The following MAP2 variants were observed in gnomAD, a reference collection of about 807,000 sequenced individuals.
MAP2 encodes the protein microtubule-associated protein 2.
MAP2 carries 14 observed loss-of-function variants against 137.6 expected under a neutral mutation model. That is an observed-to-expected ratio of 0.10 (90% confidence interval 0.07 to 0.16). The LOEUF (loss-of-function observed/expected upper bound fraction) is 0.16, where lower values mean the gene tolerates loss of function less well. Ranked by LOEUF, MAP2 falls within the 10% of genes least tolerant of loss-of-function variation. MAP2 has a pLI of 1.00. For missense variants in MAP2, 2,088 were observed against 2,191.5 expected (o/e 0.95, Z 0.94); for synonymous variants, 786 against 782.3 (o/e 1.00, Z -0.08).
At chr2:209,540,852 C>T (rs1214429139) in intron 2 of MAP2, among the ~76,000 whole-genome samples, 1 of 150,300 alleles carries the variant, frequency 6.7e-6, no homozygotes, top group African/African-American at 2.5e-5. Flanking sequence ...TACAGACGTA[C>T]CCTGGAGTTA....
chr2:209,695,991 C>A lies in MAP2; in HGVS notation c.3821C>A (p.Pro1274Gln), dbSNP rs1236024310. 1.1e-5 allele frequency: 17 copies of A among 1,614,042 alleles called. No homozygotes were observed. The Admixed American group carries it at 2.5e-4, about 24-fold the overall frequency. ...AGGGAGGAATTTGTGGAGACCTGCC[C>A]AAGTGAACACAAAGGAGTGATTGAG... The part of the protein sequence containing the change: ...GAREEFVETC[P>Q]SEHKGVIESV... The change falls in exon 8 of 16, where the codon CCA becomes CAA. Residue 1274 changes from proline (P) to glutamine (Q), a missense_variant. Physicochemically the swap from Pro to Gln is moderately conservative, Grantham distance 76 (BLOSUM62 -1). Coordinates refer to ENST00000682079, the MANE Select transcript of MAP2 (RefSeq NM_001375505.1).
chr2:209,587,085 T>G (rs1223388365), intron 3 of MAP2, among the ~76,000 whole-genome samples: 1 of 152,184 alleles, frequency 6.6e-6, no homozygotes, highest in Non-Finnish European at 1.5e-5. Flanking sequence ...GGCTTGTGTT[T>G]GGGGACGTGG....
intron 1 of MAP2, among the ~76,000 whole-genome samples, chr2:209,454,760 T>C (rs1190756170): frequency 6.6e-6 from 1 of 152,210 alleles, no homozygotes. Context: ...CAAATATTTG[T>C]GTACTAGACT....
In MAP2 at chr2:209,685,681, G is replaced by A. The variant is rs186998304; in HGVS notation, c.454+4854G>A. Among the ~76,000 whole-genome samples, 803 of 152,254 alleles carry A rather than the reference G, an allele frequency of 5.3e-3. 14 individuals carry two copies. Among genetic ancestry groups the A allele is most frequent in the African/African-American group, 0.018 (750 of 41,550 alleles). On this transcript the variant is annotated intron_variant, in intron 7 of 15. Transcript: ENST00000682079. ...TTCCACTAGATCTTTCAAAATTTGT[G>A]TTGTTCTTTTTGTTGTTTCCTGATT...
In MAP2 at chr2:209,667,717, C is replaced by T. The variant is rs577207965; in HGVS notation, c.263-10855C>T. Among the ~76,000 whole-genome samples the T allele has an allele frequency of 1.1e-4, 16 of 151,976 alleles. No individual in the cohort carries two copies. The South Asian group carries it at 3.1e-3, about 30-fold the overall frequency. ...TCTGATTTTCCATATCCTCAACAAG[C>T]CCCAAATGTCTATTCCATAAGATTG... On this transcript the variant is annotated intron_variant, in intron 5 of 15. Transcript: ENST00000682079.
intron 1 of MAP2, among the ~76,000 whole-genome samples, chr2:209,492,584 A>G (rs983386765): frequency 6.6e-6 from 1 of 152,226 alleles, no homozygotes; most frequent in Non-Finnish European, 1.5e-5. Flanking sequence ...AAGCAACTTC[A>G]GCAAAGTCTC....
At chr2:209,622,107 T>C (rs983622323) in intron 3 of MAP2, among the ~76,000 whole-genome samples, 2 of 152,188 alleles carry the variant, frequency 1.3e-5, no homozygotes, top group Admixed American at 6.5e-5. Context: ...CATATCTGGC[T>C]CTAAAAGGTT....
intron 13 of MAP2, among the ~76,000 whole-genome samples, chr2:209,720,267 C>T (rs191837249): frequency 2.6e-5 from 4 of 152,036 alleles, no homozygotes; most frequent in Non-Finnish European, 4.4e-5. Context: ...TTCACTTCTA[C>T]TATGAATTAT....
chr2:209,539,879 C>T (rs537729317), intron 2 of MAP2, among the ~76,000 whole-genome samples: 1 of 142,946 alleles, frequency 7.0e-6, no homozygotes, highest in East Asian at 2.1e-4. Flanking sequence ...AGGAGGATTG[C>T]TTGAGGCTAG....
intron 2 of MAP2, among the ~76,000 whole-genome samples, chr2:209,547,293 AAAG>A (rs1312188055): frequency 6.6e-6 from 1 of 151,608 alleles, no homozygotes; most frequent in Non-Finnish European, 1.5e-5. Context: ...CCCCCCACAA[AAAG>A]AAGACCTACA....
chr2:209,493,162 A>G (rs1279679886), intron 1 of MAP2, among the ~76,000 whole-genome samples: 14 of 152,230 alleles, frequency 9.2e-5, no homozygotes, highest in Middle Eastern at 3.2e-3. Context: ...CAAATGTGAC[A>G]AAAACAAGCA....
At chr2:209,718,809 G>A (rs749883809) in intron 13 of MAP2, among the ~76,000 whole-genome samples, 8 of 152,108 alleles carry the variant, frequency 5.3e-5, no homozygotes, top group Non-Finnish European at 7.4e-5. Flanking sequence ...GTTCAATGTA[G>A]GCAGGGATGA....
intron 3 of MAP2, among the ~76,000 whole-genome samples, chr2:209,594,806 T>G (rs2080802860): frequency 6.6e-6 from 1 of 152,184 alleles, no homozygotes; most frequent in Non-Finnish European, 1.5e-5. Context: ...GGCCTTTATT[T>G]TCTGTAAAAT....
intron 3 of MAP2, among the ~76,000 whole-genome samples, chr2:209,617,075 G>T (rs2153508092): frequency 6.6e-6 from 1 of 152,118 alleles, no homozygotes; most frequent in African/African-American, 2.4e-5. Flanking sequence ...GGGATACAGT[G>T]TGGGGAGTCA....
intron 5 of MAP2, chr2:209,661,382 C>A: frequency 3.3e-6 from 1 of 306,780 alleles, no homozygotes; most frequent in Non-Finnish European, 4.8e-6. Flanking sequence ...GCTCGCCTAA[C>A]AATGCGAGAG....
At chr2:209,703,151 T>A (rs1296296336) in intron 11 of MAP2, among the ~76,000 whole-genome samples, 1 of 152,084 alleles carries the variant, frequency 6.6e-6, no homozygotes, top group African/African-American at 2.4e-5. Flanking sequence ...TCATAACACA[T>A]CATGCAGACT....
intron 1 of MAP2, among the ~76,000 whole-genome samples, chr2:209,474,387 A>C (rs1172213052): frequency 1.3e-5 from 2 of 152,100 alleles, no homozygotes; most frequent in African/African-American, 2.4e-5. Context: ...ATGTTACAGC[A>C]TGATAGGAAG....
chr2:209,591,421 C>A (rs551231448), intron 3 of MAP2, among the ~76,000 whole-genome samples: 78 of 152,268 alleles, frequency 5.1e-4, no homozygotes, highest in African/African-American at 1.9e-3. Flanking sequence ...TTTCTATCTC[C>A]TTCTACAAGA....
intron 5 of MAP2, among the ~76,000 whole-genome samples, chr2:209,666,910 T>C (rs907071289): frequency 2.6e-5 from 4 of 152,064 alleles, no homozygotes; most frequent in African/African-American, 4.8e-5. Flanking sequence ...AATGCTTGAA[T>C]CTCCTGAGGC....
Sources: gnomAD v4.1 joint callset for allele counts (sites outside exome capture counted in the v4.1 genomes callset) on GRCh38, gnomAD v4.1.1 for gene constraint, MANE v1.5 for transcripts, NCBI Gene and HGNC (gene_info 2026-07-23, HGNC 2026-07-21) for gene names.